CD1A: variants seen among roughly 807,000 people sequenced by gnomAD.
CD1A encodes the protein T-cell surface glycoprotein CD1a.
Under a neutral mutation model 38.3 loss-of-function variants are expected in CD1A, and 50 were observed. The observed-to-expected ratio is 1.30, with a 90% confidence interval of 1.04 to 1.65. CD1A has a LOEUF of 1.65. CD1A is among the 40% of genes most tolerant of loss of function. CD1A has a pLI of 0.00. For missense variants in CD1A, 459 were observed against 406.1 expected (o/e 1.13, Z -1.12); for synonymous variants, 160 against 150.8 (o/e 1.06, Z -0.45).
At position 158,256,283 on chromosome 1, in the gene CD1A, G is replaced by C. The variant is rs769209635; in HGVS notation, c.604+1G>C. ...GGAAAGGCACATCTCCAGCGGCAAGGTCAGTCCTGCACTCTCCCTCCAAGA... is the reference window on the plus strand; with the variant it reads ...GGAAAGGCACATCTCCAGCGGCAAGCTCAGTCCTGCACTCTCCCTCCAAGA... On this transcript the variant is annotated splice_donor_variant, in intron 3 of 5. Transcript: ENST00000289429. LOFTEE classifies it high-confidence loss of function. 1 of 1,612,602 alleles carries C rather than the reference G, an allele frequency of 6.2e-7. No homozygotes were observed. Among genetic ancestry groups the C allele is most frequent in the Non-Finnish European group, 8.5e-7 (1 of 1,179,664 alleles).
At position 158,257,788 on chromosome 1, in the gene CD1A, G is replaced by A. The variant is rs187213385; in HGVS notation, c.*98G>A. 8.1e-4 allele frequency: 833 copies of A among 1,024,606 alleles called. 1 individual carries two copies. The highest frequency in any genetic ancestry group is 1.2e-3 in the Non-Finnish European group (764 of 662,424). The allele number at this position is 1,024,606 out of a possible 1,614,324, so 63.5% of individuals were successfully genotyped here. ...CACCTGAACACATCGTGATGATGACGTCCTCTCAACTCTCTTTGTAAAAAT... is the reference window on the plus strand; with the variant it reads ...CACCTGAACACATCGTGATGATGACATCCTCTCAACTCTCTTTGTAAAAAT... On this transcript the variant is annotated 3_prime_UTR_variant, in exon 6 of 6. Transcript: ENST00000289429.
upstream of CD1A, among the ~76,000 whole-genome samples, chr1:158,253,046 A>T (rs1271595420): frequency 6.6e-6 from 1 of 152,176 alleles, no homozygotes; most frequent in Non-Finnish European, 1.5e-5. Flanking sequence ...ACAGTGAGCT[A>T]TGATTATTCC....
Position 158,254,441 on chromosome 1 carries a change from C to A in CD1A, c.-229C>A. ...AGGTGAATAAGTTGGAGGTTGGTGA[C>A]AAGGAGAGAAGCTGGAACAGAGAGG... On this transcript the variant is annotated 5_prime_UTR_variant, in exon 1 of 6. Coordinates refer to ENST00000289429, the MANE Select transcript of CD1A (RefSeq NM_001763.3). 1 of 1,368,712 alleles carries A rather than the reference C, an allele frequency of 7.3e-7. No homozygotes were observed. The highest frequency in any genetic ancestry group is 9.4e-7 in the Non-Finnish European group (1 of 1,058,908). The allele number at this position is 1,368,712 out of a possible 1,614,324, so 84.8% of individuals were successfully genotyped here. A position where few individuals can be genotyped will look rare whatever the true frequency, so the allele number is the denominator to read the frequency against.
chr1:158,248,460 A>G, the CD1A span: 1 of 973,164 alleles, frequency 1.0e-6, no homozygotes, highest in Non-Finnish European at 1.2e-6. Flanking sequence ...CTGAACACCA[A>G]TGGTTCAAGA....
At chr1:158,254,759 G>T in intron 1 of CD1A, 32 bp downstream of exon 1, 1 of 1,435,626 alleles carries the variant, frequency 7.0e-7, no homozygotes. Context: ...CAGTTGGGTG[G>T]TGGGTGAAGG....
intron 4 of CD1A, among the ~76,000 whole-genome samples, 168 bp downstream of exon 4, chr1:158,257,232 G>A (rs1253218449): frequency 6.6e-6 from 1 of 152,164 alleles, no homozygotes; most frequent in African/African-American, 2.4e-5. Flanking sequence ...GTAGATGCAG[G>A]AGGATGCTGA....
chr1:158,248,769 C>T, the CD1A span, among the ~76,000 whole-genome samples: 5 of 152,076 alleles, frequency 3.3e-5, no homozygotes, highest in Non-Finnish European at 7.4e-5. Flanking sequence ...TTTCTCAGCA[C>T]CCCCAGCCAG....
chr1:158,252,188 C>G (rs1292480232), upstream of CD1A, among the ~76,000 whole-genome samples: 8 of 151,508 alleles, frequency 5.3e-5, no homozygotes, highest in East Asian at 1.4e-3. Context: ...GGACTTACTA[C>G]CCTTCCCATG....
the CD1A span, among the ~76,000 whole-genome samples, chr1:158,249,177 T>A: frequency 6.6e-6 from 1 of 152,180 alleles, no homozygotes; most frequent in Non-Finnish European, 1.5e-5. Flanking sequence ...TCTGACCCCA[T>A]ATTCAACGGT....
At position 158,256,275 on chromosome 1, in the gene CD1A, G is replaced by A. The variant is rs778876115; in HGVS notation, c.597G>A (p.Gln199=). The change falls in exon 3 of 6, where the codon CAG becomes CAA. Residue 199 remains glutamine, a synonymous_variant. Coordinates refer to ENST00000289429, the MANE Select transcript of CD1A (RefSeq NM_001763.3). Reference sequence around the variant, plus strand: ...TTGATGCAGGAAAGGCACATCTCCAGCGGCAAGGTCAGTCCTGCACTCTCC... The same window carrying A: ...TTGATGCAGGAAAGGCACATCTCCAACGGCAAGGTCAGTCCTGCACTCTCC... ...GLLDAGKAHL[Q]RQVKPEAWLS... is the part of the protein sequence containing the mutation. 11 of 1,613,416 alleles carry A rather than the reference G, an allele frequency of 6.8e-6. No individual in the cohort carries two copies. Among genetic ancestry groups the A allele is most frequent in the Non-Finnish European group, 9.3e-6 (11 of 1,179,920 alleles).
chr1:158,252,951 G>T (rs1650125295), upstream of CD1A, among the ~76,000 whole-genome samples: 1 of 151,524 alleles, frequency 6.6e-6, no homozygotes, highest in Admixed American at 6.6e-5. Context: ...TTATTTGCAG[G>T]CCATGCCTGG....
At chr1:158,249,540 G>A (rs1264240844), upstream of CD1A, among the ~76,000 whole-genome samples, 1 of 152,096 alleles carries the variant, frequency 6.6e-6, no homozygotes, top group Non-Finnish European at 1.5e-5. Context: ...AACATTGGGG[G>A]TTAGAATTTC....
the CD1A span, among the ~76,000 whole-genome samples, chr1:158,248,976 G>T: frequency 2.6e-5 from 4 of 152,216 alleles, no homozygotes; most frequent in Admixed American, 2.0e-4. Context: ...GGAGATACTT[G>T]TGGCTTGGCT....
rs1377470117 is a variant in CD1A, at chr1:158,257,988, G to A, written c.*298G>A. 2.7e-6 allele frequency: 1 copy of A among 365,912 alleles called. No homozygotes were observed. The highest frequency in any genetic ancestry group is 4.9e-5 in the East Asian group (1 of 20,264). The allele number at this position is 365,912 out of a possible 1,614,324, so 22.7% of individuals were successfully genotyped here. ...TGTTCAACTATTAATGGATCATCAG[G>A]CCTGTTTTAGATATCCCTTACTCCA... On this transcript the variant is annotated 3_prime_UTR_variant, in exon 6 of 6. Coordinates refer to ENST00000289429, the MANE Select transcript of CD1A (RefSeq NM_001763.3).
At chr1:158,255,872 C>A in intron 2 of CD1A, 132 bp from the exon 3 acceptor site, 2 of 813,794 alleles carry the variant, frequency 2.5e-6, no homozygotes, top group Non-Finnish European at 3.8e-6. Flanking sequence ...TTCTCTGAAT[C>A]CCTGACCAAA....
Position 158,256,036 on chromosome 1 carries a change from G to A in CD1A, c.358G>A (p.Glu120Lys). Residue 120 changes from glutamate to lysine, a missense_variant, in exon 3 of 6, where the codon GAG becomes AAG. By Grantham distance (56) the Glu-to-Lys change is moderately conservative. Coordinates refer to ENST00000289429, the MANE Select transcript of CD1A (RefSeq NM_001763.3). ...TGAGATACAGGTGACAGGAGGCTGT[G>A]AGCTGCACTCTGGAAAGGTCTCAGG... ...PFEIQVTGGC[E>K]LHSGKVSGSF... 2 of 1,614,068 alleles carry A rather than the reference G, an allele frequency of 1.2e-6. No homozygotes were observed. The highest frequency in any genetic ancestry group is 1.7e-6 in the Non-Finnish European group (2 of 1,180,010).
chr1:158,251,080 T>C (rs858999), upstream of CD1A, among the ~76,000 whole-genome samples: 135,759 of 152,280 alleles, frequency 0.89, 61,486 homozygotes, highest in Non-Finnish European at 0.98. Context: ...TTGATGAACA[T>C]ATATTTTGTA....
At chr1:158,251,259 G>A (rs758015492), upstream of CD1A, among the ~76,000 whole-genome samples, 1 of 152,212 alleles carries the variant, frequency 6.6e-6, no homozygotes, top group Non-Finnish European at 1.5e-5. Flanking sequence ...AGGAAGAGGA[G>A]TTGCCTTGTC....
At position 158,256,965 on chromosome 1, in the gene CD1A, C is replaced by G; in HGVS notation, c.784C>G (p.Leu262Val). 1 of 1,614,176 alleles carries G rather than the reference C, an allele frequency of 6.2e-7. No homozygotes were observed. The highest frequency in any genetic ancestry group is 8.5e-7 in the Non-Finnish European group (1 of 1,180,042). Reference protein sequence around the residue: ...ILPSADGTWYLRATLEVAAGE... With the variant: ...ILPSADGTWYVRATLEVAAGE... ...GCCCAGTGCTGATGGGACATGGTAT[C>G]TCCGCGCAACCCTGGAGGTGGCCGC... The change falls in exon 4 of 6, where the codon CTC becomes GTC. Residue 262 changes from leucine to valine, a missense_variant. Transcript: ENST00000289429.
Sources: gnomAD v4.1 joint callset for allele counts (sites outside exome capture counted in the v4.1 genomes callset) on GRCh38, gnomAD v4.1.1 for gene constraint, MANE v1.5 for transcripts, NCBI Gene and HGNC (gene_info 2026-07-23, HGNC 2026-07-21) for gene names.